SMIM14: variants seen among roughly 807,000 people sequenced by gnomAD.
The protein encoded by SMIM14 is chromosome 4 open reading frame 34.
Under a neutral mutation model 12.6 loss-of-function variants are expected in SMIM14, and 5 were observed. That is an observed-to-expected ratio of 0.40 (90% confidence interval 0.21 to 0.83). SMIM14 has a LOEUF of 0.83. Among genes scored for constraint, SMIM14 ranks in the 40% least tolerant of loss-of-function variants. The probability of loss-of-function intolerance (pLI) is 0.37; values close to 1 mark genes in which losing one functional copy is unlikely to be tolerated. For synonymous variants in SMIM14, 30 were observed against 40.1 expected, an observed-to-expected ratio of 0.75 and a Z score of 0.95; for missense variants, 86 against 119.1, an observed-to-expected ratio of 0.72 and a Z score of 1.29.
intron 1 of SMIM14, among the ~76,000 whole-genome samples, chr4:39,617,911 G>A (rs572342378): frequency 2.0e-5 from 3 of 151,974 alleles, no homozygotes; most frequent in East Asian, 1.9e-4. Flanking sequence ...CATATAAGAC[G>A]GAAAAAAATC....
Position 39,599,342 on chromosome 4 carries a change from C to CT in SMIM14, c.75+5728dup, listed in dbSNP as rs1455135328. ...CATGTAAATTTCATTTTTTTTTACT[C>CT]TGAGTCTCATGGAAGCTACTGTAGG... On this transcript the variant is annotated intron_variant, in intron 2 of 4. Transcript: ENST00000295958. Among the ~76,000 whole-genome samples the CT allele has an allele frequency of 3.2e-4, 49 of 151,996 alleles. 1 individual carries two copies. Among genetic ancestry groups the CT allele is most frequent in the African/African-American group, 1.2e-3 (48 of 41,450 alleles).
At chr4:39,598,282 T>C (rs899311214) in intron 2 of SMIM14, among the ~76,000 whole-genome samples, 6 of 115,392 alleles carry the variant, frequency 5.2e-5, no homozygotes, top group African/African-American at 1.6e-4. Context: ...GTAGTTTTAA[T>C]TGTTTTAGTT....
In SMIM14 at chr4:39,584,793, CAAAAAAAA is replaced by C. The variant is rs34970724; in HGVS notation, c.76-12338_76-12331del. Among the ~76,000 whole-genome samples, 710 of 76,298 alleles carry C rather than the reference CAAAAAAAA, an allele frequency of 9.3e-3. 11 individuals are homozygous for C. Among genetic ancestry groups the C allele is most frequent in the African/African-American group, 0.034 (663 of 19,280 alleles). 50.1% of individuals were successfully genotyped at this position (76,298 alleles called of 152,430 possible). On this transcript the variant is annotated intron_variant, in intron 2 of 4. Transcript: ENST00000295958. ...CCTGGGTAATCAAGCAGGACCTTGT[CAAAAAAAA>C]AAAAAAAAAAGAAAAAAGAAAAAAA...
In SMIM14 at chr4:39,605,096, T is replaced by C. The variant is rs201458429; in HGVS notation, c.50A>G (p.His17Arg). ...DPCECVCSHEHAMRRLINLLR... is the reference protein window; with the variant it reads ...DPCECVCSHERAMRRLINLLR... ...CAGATTGATCAGTCTTCTCATTGCA[T>C]GTTCATGAGAGCAAACACATTCACA... Residue 17 changes from histidine (H) to arginine (R), a missense_variant, in exon 2 of 5, where the codon CAT (histidine) becomes CGT (arginine). His to Arg is a conservative substitution (Grantham distance 29). Coordinates refer to ENST00000295958, the MANE Select transcript of SMIM14 (RefSeq NM_174921.3). 1.6e-4 allele frequency: 258 copies of C among 1,609,306 alleles called. No individual in the cohort carries two copies. Among genetic ancestry groups the C allele is most frequent in the Non-Finnish European group, 2.0e-4 (241 of 1,177,774 alleles).
intron 2 of SMIM14, among the ~76,000 whole-genome samples, chr4:39,595,227 A>G (rs1384020226): frequency 6.6e-6 from 1 of 151,160 alleles, no homozygotes; most frequent in East Asian, 1.9e-4. Flanking sequence ...TGCAGCCATC[A>G]AAAATGATGA....
intron 2 of SMIM14, among the ~76,000 whole-genome samples, chr4:39,603,038 C>G (rs1714674770): frequency 6.6e-6 from 1 of 151,992 alleles, no homozygotes; most frequent in Non-Finnish European, 1.5e-5. Flanking sequence ...TTTTGAGCAC[C>G]AACATGATGA....
At chr4:39,599,877 G>A (rs1041093485) in intron 2 of SMIM14, among the ~76,000 whole-genome samples, 1 of 150,484 alleles carries the variant, frequency 6.6e-6, no homozygotes, top group African/African-American at 2.5e-5. Context: ...AGTCGAGATC[G>A]TGCCACTGCA....
Position 39,552,009 on chromosome 4 carries a change from T to G in SMIM14, c.*117A>C. 1.4e-6 allele frequency: 1 copy of G among 718,078 alleles called. No individual in the cohort carries two copies. The allele number at this position is 718,078 out of a possible 1,614,324, so 44.5% of individuals were successfully genotyped here. A position where few individuals can be genotyped will look rare whatever the true frequency, so the allele number is the denominator to read the frequency against. On this transcript the variant is annotated 3_prime_UTR_variant, in exon 5 of 5. Transcript: ENST00000295958. ...CTAGAAGCTCATGAAAACAATACCATCCCATATTGCAGATACAAAAGGAAA... is the reference window on the plus strand; with the variant it reads ...CTAGAAGCTCATGAAAACAATACCAGCCCATATTGCAGATACAAAAGGAAA...
chr4:39,586,755 T>C (rs149159316), intron 2 of SMIM14, among the ~76,000 whole-genome samples: 37 of 152,230 alleles, frequency 2.4e-4, no homozygotes, highest in Non-Finnish European at 5.1e-4. Flanking sequence ...TCCCACTTTT[T>C]AGTAACACTT....
intron 1 of SMIM14, among the ~76,000 whole-genome samples, chr4:39,617,310 A>C (rs1430223399): frequency 6.6e-6 from 1 of 152,202 alleles, no homozygotes; most frequent in Non-Finnish European, 1.5e-5. Context: ...TGGGGACAGA[A>C]TTAGTAAGGA....
intron 1 of SMIM14, chr4:39,638,135 T>G (rs1716172513): frequency 6.6e-6 from 1 of 152,200 alleles, no homozygotes; most frequent in Non-Finnish European, 1.5e-5. Flanking sequence ...TATCACACAC[T>G]ATTAGTTCCA....
chr4:39,586,787 A>G (rs1027214448), intron 2 of SMIM14, among the ~76,000 whole-genome samples: 6 of 152,098 alleles, frequency 3.9e-5, no homozygotes, highest in African/African-American at 1.5e-4. Flanking sequence ...TTGGGCTGCA[A>G]TAACAAATAC....
At chr4:39,623,392 C>T (rs1337492783) in intron 1 of SMIM14, among the ~76,000 whole-genome samples, 3 of 152,174 alleles carry the variant, frequency 2.0e-5, no homozygotes, top group African/African-American at 4.8e-5. Flanking sequence ...CTCTCCCCGA[C>T]TCCATGCAAA....
At chr4:39,604,559 T>C (rs1314940960) in intron 2 of SMIM14, among the ~76,000 whole-genome samples, 2 of 151,468 alleles carry the variant, frequency 1.3e-5, no homozygotes, top group Admixed American at 1.3e-4. Context: ...ATAATAATAA[T>C]AACAATAATA....
At chr4:39,565,585 A>C (rs1201315533) in intron 3 of SMIM14, among the ~76,000 whole-genome samples, 1 of 152,192 alleles carries the variant, frequency 6.6e-6, no homozygotes, top group African/African-American at 2.4e-5. Context: ...TGGCCTCCTA[A>C]AATGGGATTA....
At chr4:39,622,136 T>C (rs1351827730) in intron 1 of SMIM14, among the ~76,000 whole-genome samples, 1 of 152,122 alleles carries the variant, frequency 6.6e-6, no homozygotes, top group African/African-American at 2.4e-5. Context: ...CAGGCTGGAG[T>C]GCAGTGGCAC....
chr4:39,600,793 C>T (rs556128518), intron 2 of SMIM14, among the ~76,000 whole-genome samples: 2 of 151,834 alleles, frequency 1.3e-5, no homozygotes, highest in South Asian at 2.1e-4. Context: ...ATCGCTTGAA[C>T]CCGGGAGGCG....
At chr4:39,566,248 G>T (rs1387153890) in intron 3 of SMIM14, among the ~76,000 whole-genome samples, 3 of 151,884 alleles carry the variant, frequency 2.0e-5, no homozygotes, top group Non-Finnish European at 4.4e-5. Flanking sequence ...GGGAAGCCAA[G>T]GATGAGTCTC....
intron 2 of SMIM14, among the ~76,000 whole-genome samples, chr4:39,596,867 C>T (rs994025879): frequency 7.2e-5 from 11 of 152,062 alleles, no homozygotes; most frequent in African/African-American, 2.4e-4. Flanking sequence ...CCTTGACTTC[C>T]CAGGCTCAAG....
Sources: gnomAD v4.1 joint callset for allele counts (sites outside exome capture counted in the v4.1 genomes callset) on GRCh38, gnomAD v4.1.1 for gene constraint, MANE v1.5 for transcripts, NCBI Gene and HGNC (gene_info 2026-07-23, HGNC 2026-07-21) for gene names.